The following TTC29 variants were observed in gnomAD, a reference collection of about 807,000 sequenced individuals.
The protein encoded by TTC29 is tetratricopeptide repeat domain 29.
A neutral mutation model predicts 58.1 loss-of-function variants in TTC29; 49 were observed. The observed-to-expected ratio is 0.84, with a 90% CI of 0.67 to 1.07. The LOEUF is 1.07. TTC29 is among the 50% of genes least tolerant of loss of function. TTC29 has a pLI of 0.00. For synonymous variants in TTC29, 209 were observed against 196.8 expected (o/e 1.06, Z -0.52); for missense variants, 582 against 555.6 (o/e 1.05, Z -0.48).
intron 11 of TTC29, among the ~76,000 whole-genome samples, chr4:146,712,736 G>A (rs1268374728): frequency 2.0e-5 from 3 of 152,024 alleles, no homozygotes; most frequent in Non-Finnish European, 4.4e-5. Context: ...GGGCTAAGGA[G>A]CTAATAAGGG....
intron 11 of TTC29, among the ~76,000 whole-genome samples, chr4:146,786,933 TA>T (rs1027097337): frequency 6.6e-6 from 1 of 151,152 alleles, no homozygotes; most frequent in Non-Finnish European, 1.5e-5. Flanking sequence ...GGTAACATAG[TA>T]AAAACCCCAC....
intron 11 of TTC29, among the ~76,000 whole-genome samples, chr4:146,752,141 A>G (rs1016090163): frequency 6.6e-6 from 1 of 151,870 alleles, no homozygotes; most frequent in Non-Finnish European, 1.5e-5. Context: ...CTGTTTGCAG[A>G]TGACATGATT....
intron 11 of TTC29, among the ~76,000 whole-genome samples, chr4:146,773,929 T>G (rs1747906950): frequency 6.6e-6 from 1 of 152,094 alleles, no homozygotes; most frequent in Non-Finnish European, 1.5e-5. Context: ...GAACCTCTGA[T>G]TTGTTTGTTC....
In TTC29 at chr4:146,922,880, C is replaced by G. The variant is rs62328055; in HGVS notation, c.177-13631G>C. On this transcript the variant is annotated intron_variant, in intron 4 of 12. Coordinates refer to ENST00000325106, the MANE Select transcript of TTC29 (RefSeq NM_031956.4). ...ATATAAAATTTTACATAAATAGGCA[C>G]TTATTTTTTAAAATAACAATAGCTG... 4.5e-3 allele frequency among the ~76,000 whole-genome samples: 683 copies of G among 151,856 alleles called. 5 individuals are homozygous for G. The highest frequency in any genetic ancestry group is 7.6e-3 in the Non-Finnish European group (517 of 67,754).
intron 11 of TTC29, among the ~76,000 whole-genome samples, chr4:146,749,170 A>G (rs1745777070): frequency 1.3e-5 from 2 of 150,424 alleles, no homozygotes; most frequent in Non-Finnish European, 3.0e-5. Flanking sequence ...AAAAAAAAAA[A>G]GGCCAGGTCT....
intron 11 of TTC29, among the ~76,000 whole-genome samples, chr4:146,712,297 A>C (rs145839264): frequency 1.7e-3 from 258 of 152,262 alleles, no homozygotes; most frequent in African/African-American, 6.0e-3. Flanking sequence ...GTAACATATA[A>C]ATTTTTTCAT....
chr4:146,813,216 C>T (rs551377914), intron 10 of TTC29, among the ~76,000 whole-genome samples: 1 of 152,310 alleles, frequency 6.6e-6, no homozygotes, highest in South Asian at 2.1e-4. Flanking sequence ...TCATTTCCTA[C>T]CCATTTTCCC....
At chr4:146,901,634 A>G (rs1733154308) in intron 6 of TTC29, among the ~76,000 whole-genome samples, 1 of 152,180 alleles carries the variant, frequency 6.6e-6, no homozygotes, top group African/African-American at 2.4e-5. Flanking sequence ...CACTTGCCTC[A>G]GGACCTTTGC....
intron 11 of TTC29, among the ~76,000 whole-genome samples, chr4:146,710,417 A>G (rs1742397857): frequency 6.6e-6 from 1 of 152,174 alleles, no homozygotes; most frequent in African/African-American, 2.4e-5. Context: ...GCTCCATTAT[A>G]AACTTTTAGT....
At chr4:146,785,753 T>C (rs1748959853) in intron 11 of TTC29, among the ~76,000 whole-genome samples, 1 of 152,184 alleles carries the variant, frequency 6.6e-6, no homozygotes, top group African/African-American at 2.4e-5. Context: ...ACCAAAACTG[T>C]GGTCTAATAA....
At chr4:146,827,909 C>A (rs1176478478) in intron 9 of TTC29, among the ~76,000 whole-genome samples, 1 of 152,172 alleles carries the variant, frequency 6.6e-6, no homozygotes, top group African/African-American at 2.4e-5. Flanking sequence ...GTATGCTCTG[C>A]AAATCAGTCA....
intron 8 of TTC29, among the ~76,000 whole-genome samples, chr4:146,856,371 A>G (rs867017799): frequency 1.3e-5 from 2 of 152,096 alleles, no homozygotes; most frequent in Non-Finnish European, 2.9e-5. Flanking sequence ...TCTCAAGGGA[A>G]ACTAAAACCA....
chr4:146,795,634 TA>T (rs1310581431), intron 11 of TTC29, among the ~76,000 whole-genome samples: 3 of 152,110 alleles, frequency 2.0e-5, no homozygotes, highest in Non-Finnish European at 2.9e-5. Context: ...ATATTTTTTC[TA>T]AAAAACCCTG....
At chr4:146,792,062 T>A (rs1452409874) in intron 11 of TTC29, among the ~76,000 whole-genome samples, 1 of 152,168 alleles carries the variant, frequency 6.6e-6, no homozygotes, top group Non-Finnish European at 1.5e-5. Context: ...CAAATGCTAA[T>A]GGAGAAGCTG....
chr4:146,829,346 G>A (rs1283351099), intron 9 of TTC29, among the ~76,000 whole-genome samples: 2 of 152,182 alleles, frequency 1.3e-5, no homozygotes, highest in Non-Finnish European at 2.9e-5. Context: ...GTGGTTGAGT[G>A]AACATAGATT....
At chr4:146,746,614 G>A (rs1459973343) in intron 11 of TTC29, among the ~76,000 whole-genome samples, 1 of 152,088 alleles carries the variant, frequency 6.6e-6, no homozygotes, top group African/African-American at 2.4e-5. Flanking sequence ...GTATTTTCAA[G>A]CAATTTTTAT....
chr4:146,771,021 T>C (rs1747686010), intron 11 of TTC29, among the ~76,000 whole-genome samples: 1 of 152,134 alleles, frequency 6.6e-6, no homozygotes, highest in Admixed American at 6.6e-5. Context: ...TTTTAGCTGT[T>C]ATTATGTCCA....
intron 9 of TTC29, among the ~76,000 whole-genome samples, chr4:146,825,747 C>T (rs1579768176): frequency 6.6e-6 from 1 of 152,064 alleles, no homozygotes; most frequent in African/African-American, 2.4e-5. Flanking sequence ...AAGTCTCTTT[C>T]TAGGTCTCTA....
intron 10 of TTC29, among the ~76,000 whole-genome samples, chr4:146,817,880 A>G (rs1223649394): frequency 2.0e-5 from 3 of 152,252 alleles, no homozygotes; most frequent in East Asian, 3.8e-4. Flanking sequence ...GGCTAGCCAT[A>G]TGTAGAAAGC....
Sources: allele counts gnomAD v4.1 joint callset (sites outside exome capture counted in the v4.1 genomes callset), GRCh38; gene constraint gnomAD v4.1.1; transcripts MANE v1.5; gene names NCBI Gene and HGNC (gene_info 2026-07-23, HGNC 2026-07-21).